The following SLC10A7 variants were observed in gnomAD, a reference collection of about 807,000 sequenced individuals.
SLC10A7 encodes sodium/bile acid cotransporter 7.
A neutral mutation model predicts 43.2 loss-of-function variants in SLC10A7; 29 were observed. The observed-to-expected ratio is 0.67, with a 90% CI of 0.50 to 0.92. SLC10A7 has a LOEUF of 0.92. Among genes scored for constraint, SLC10A7 ranks in the 40% least tolerant of loss-of-function variants. The pLI is 0.00. For synonymous variants in SLC10A7, 152 were observed against 144.8 expected (o/e 1.05, Z -0.35); for missense variants, 295 against 403.2 (o/e 0.73, Z 2.30).
At chr4:146,391,792 G>C (rs1738449620) in intron 5 of SLC10A7, among the ~76,000 whole-genome samples, 1 of 152,176 alleles carries the variant, frequency 6.6e-6, no homozygotes, top group African/African-American at 2.4e-5. Context: ...TCATAAATTA[G>C]TGCCAATTCA....
intron 3 of SLC10A7, among the ~76,000 whole-genome samples, chr4:146,505,379 A>G (rs1228207192): frequency 6.6e-6 from 1 of 152,156 alleles, no homozygotes; most frequent in Non-Finnish European, 1.5e-5. Context: ...CATGTAATAT[A>G]TGAAATATAT....
chr4:146,503,090 T>G (rs777162607), intron 4 of SLC10A7, among the ~76,000 whole-genome samples: 2 of 152,208 alleles, frequency 1.3e-5, no homozygotes, highest in Non-Finnish European at 2.9e-5. Flanking sequence ...CTCAATATTT[T>G]TGGAAAGCAT....
At chr4:146,504,453 A>C (rs1431412956) in intron 3 of SLC10A7, among the ~76,000 whole-genome samples, 1 of 142,976 alleles carries the variant, frequency 7.0e-6, no homozygotes, top group Non-Finnish European at 1.5e-5. Context: ...TGGGAGGCAG[A>C]GTTTGCAGTG....
At chr4:146,260,539 C>T (rs762834861) in intron 10 of SLC10A7, among the ~76,000 whole-genome samples, 17 of 152,204 alleles carry the variant, frequency 1.1e-4, no homozygotes, top group Non-Finnish European at 2.2e-4. Flanking sequence ...CTGTGTCATT[C>T]AGTCTTCAGC....
intron 5 of SLC10A7, among the ~76,000 whole-genome samples, chr4:146,365,729 C>A (rs1294262285): frequency 1.3e-5 from 2 of 152,166 alleles, no homozygotes; most frequent in Non-Finnish European, 2.9e-5. Context: ...TACTCAAATA[C>A]TGGAGACAAA....
At chr4:146,285,404 TC>T (rs1351689527) in intron 9 of SLC10A7, among the ~76,000 whole-genome samples, 2 of 152,140 alleles carry the variant, frequency 1.3e-5, no homozygotes, top group Non-Finnish European at 2.9e-5. Context: ...CAACAGTACC[TC>T]CCAACAGCTC....
chr4:146,314,989 T>C (rs1049366048), intron 6 of SLC10A7, among the ~76,000 whole-genome samples: 1 of 152,154 alleles, frequency 6.6e-6, no homozygotes, highest in Non-Finnish European at 1.5e-5. Context: ...CTACTTTGTC[T>C]TTCAGAGGGA....
At chr4:146,381,925 C>A (rs1737652510) in intron 5 of SLC10A7, among the ~76,000 whole-genome samples, 1 of 151,958 alleles carries the variant, frequency 6.6e-6, no homozygotes, top group Admixed American at 6.6e-5. Context: ...ATTTCAGTGA[C>A]TTAAAGAAGC....
chr4:146,491,206 G>A (rs1356605809), intron 4 of SLC10A7, among the ~76,000 whole-genome samples: 1 of 152,068 alleles, frequency 6.6e-6, no homozygotes, highest in Non-Finnish European at 1.5e-5. Context: ...TACTGTAGGT[G>A]CTGACAGATC....
At chr4:146,471,930 C>T (rs548213791) in intron 4 of SLC10A7, among the ~76,000 whole-genome samples, 12 of 152,206 alleles carry the variant, frequency 7.9e-5, no homozygotes, top group African/African-American at 2.4e-4. Context: ...ATCAAATTCA[C>T]GAACTCAAGA....
chr4:146,378,032 G>A (rs956321821), intron 5 of SLC10A7, among the ~76,000 whole-genome samples: 1 of 152,160 alleles, frequency 6.6e-6, no homozygotes, highest in East Asian at 1.9e-4. Context: ...TACTCATGCT[G>A]TCTCTATTCT....
intron 5 of SLC10A7, among the ~76,000 whole-genome samples, chr4:146,390,585 A>T (rs1211736851): frequency 6.6e-6 from 1 of 152,172 alleles, no homozygotes; most frequent in Non-Finnish European, 1.5e-5. Context: ...GCAGTGAACC[A>T]TGTTTAAGCC....
chr4:146,304,334 G>C (rs1731383812), intron 7 of SLC10A7, among the ~76,000 whole-genome samples: 1 of 151,662 alleles, frequency 6.6e-6, no homozygotes, highest in Admixed American at 6.6e-5. Context: ...TAAACACGGA[G>C]ACCTTATCAA....
chr4:146,256,455 C>T lies in SLC10A7; in HGVS notation c.*36G>A. 1 of 1,607,990 alleles carries T rather than the reference C, an allele frequency of 6.2e-7. No individual in the cohort carries two copies. Among genetic ancestry groups the T allele is most frequent in the Non-Finnish European group, 8.5e-7 (1 of 1,174,490 alleles). On this transcript the variant is annotated 3_prime_UTR_variant, in exon 12 of 12. Coordinates refer to ENST00000335472, the MANE Select transcript of SLC10A7 (RefSeq NM_001029998.6). ...AATTGCTAGTATGTACAATCCTGTA[C>T]ATATATACATTGCTACAGAAAGTCC...
intron 5 of SLC10A7, among the ~76,000 whole-genome samples, chr4:146,370,870 T>A (rs1183507026): frequency 6.6e-6 from 1 of 152,120 alleles, no homozygotes; most frequent in Non-Finnish European, 1.5e-5. Flanking sequence ...CCTCAGAGTT[T>A]AATTTGGCAT....
At chr4:146,352,530 G>A (rs371474618) in intron 5 of SLC10A7, among the ~76,000 whole-genome samples, 4 of 151,384 alleles carry the variant, frequency 2.6e-5, no homozygotes, top group Admixed American at 2.6e-4. Flanking sequence ...TCTGCACCAA[G>A]AGGACCTCAT....
intron 5 of SLC10A7, among the ~76,000 whole-genome samples, chr4:146,348,180 T>A (rs1479080823): frequency 6.6e-6 from 1 of 152,166 alleles, no homozygotes; most frequent in African/African-American, 2.4e-5. Context: ...AAATAAAATG[T>A]TCTGTAATTA....
intron 10 of SLC10A7, among the ~76,000 whole-genome samples, chr4:146,270,841 A>G (rs567068330): frequency 1.3e-5 from 2 of 152,348 alleles, no homozygotes; most frequent in East Asian, 3.9e-4. Context: ...TTAATAAGGC[A>G]AATTAAGTGC....
chr4:146,328,163 C>T (rs1019908536), intron 5 of SLC10A7, among the ~76,000 whole-genome samples: 17 of 152,220 alleles, frequency 1.1e-4, no homozygotes, highest in Admixed American at 3.3e-4. Context: ...CCTGGCTTAC[C>T]TGCTACTGCC....
Sources: allele counts gnomAD v4.1 joint callset (sites outside exome capture counted in the v4.1 genomes callset), GRCh38; gene constraint gnomAD v4.1.1; transcripts MANE v1.5; gene names NCBI Gene and HGNC (gene_info 2026-07-23, HGNC 2026-07-21).